MAP3K7: variants seen among roughly 807,000 people sequenced by gnomAD.
MAP3K7 encodes the protein TGF-beta activated kinase 1.
MAP3K7 carries 21 observed loss-of-function variants against 84.8 expected under a neutral mutation model. The observed-to-expected ratio is 0.25, with a 90% CI of 0.18 to 0.36. MAP3K7 has a LOEUF of 0.36. Ranked by LOEUF, MAP3K7 falls within the 10% of genes least tolerant of loss-of-function variation. The pLI, the probability that MAP3K7 is intolerant of heterozygous loss-of-function variation, is 1.00. For synonymous variants in MAP3K7, 241 were observed against 247.7 expected, an observed-to-expected ratio of 0.97 and a Z score of 0.25; for missense variants, 503 against 747.7, an observed-to-expected ratio of 0.67 and a Z score of 3.82.
chr6:90,554,148 C>T (rs1210753892), intron 6 of MAP3K7, among the ~76,000 whole-genome samples: 2 of 152,248 alleles, frequency 1.3e-5, no homozygotes, highest in South Asian at 2.1e-4. Context: ...CTCAACTGAT[C>T]CTCCTGCTCT....
chr6:90,582,443 GGAGA>G (rs1299703816), intron 1 of MAP3K7, among the ~76,000 whole-genome samples: 5 of 152,186 alleles, frequency 3.3e-5, no homozygotes, highest in Non-Finnish European at 7.3e-5. Flanking sequence ...TTTTGCTGAA[GGAGA>G]GACACAATTT....
At position 90,550,466 on chromosome 6, in the gene MAP3K7, A is replaced by C; in HGVS notation, c.949+2T>G. On this transcript the variant is annotated splice_donor_variant, in intron 9 of 16. Transcript: ENST00000369329. LOFTEE classifies it high-confidence loss of function. ...CAATACTCTTCCAATCTATCCATTT[A>C]CCTGTACTGGTGGCAGAGTTGCTCT... 1 of 1,594,110 alleles carries C rather than the reference A, an allele frequency of 6.3e-7. No homozygotes were observed. Among genetic ancestry groups the C allele is most frequent in the Non-Finnish European group, 8.6e-7 (1 of 1,163,650 alleles).
chr6:90,524,444 G>GT (rs1775256355), intron 13 of MAP3K7, among the ~76,000 whole-genome samples: 1 of 152,094 alleles, frequency 6.6e-6, no homozygotes, highest in Non-Finnish European at 1.5e-5. Context: ...AACATGGAAC[G>GT]TATACATTCA....
chr6:90,548,014 G>A (rs756590672), intron 10 of MAP3K7, 33 bp downstream of exon 10: 14 of 1,574,068 alleles, frequency 8.9e-6, no homozygotes, highest in Admixed American at 1.8e-5. Context: ...TACTGGTAAG[G>A]TTACCAGTTT....
At chr6:90,529,535 C>T (rs1350895785) in intron 13 of MAP3K7, among the ~76,000 whole-genome samples, 3 of 152,074 alleles carry the variant, frequency 2.0e-5, no homozygotes, top group Non-Finnish European at 4.4e-5. Flanking sequence ...GACAAGACAG[C>T]CCAGAGTTTG....
chr6:90,551,148 T>C (rs157688), intron 8 of MAP3K7: 99,994 of 152,026 alleles, frequency 0.66, 33,174 homozygotes, highest in Middle Eastern at 0.74. Flanking sequence ...TGTTTTCTTA[T>C]GCACACACCT....
chr6:90,567,726 G>A (rs1311120385), intron 3 of MAP3K7, among the ~76,000 whole-genome samples: 2 of 152,144 alleles, frequency 1.3e-5, no homozygotes, highest in Non-Finnish European at 2.9e-5. Flanking sequence ...TATACCCAAA[G>A]GATTATAAAT....
In MAP3K7 at chr6:90,587,003, G is replaced by T; in HGVS notation, c.-120C>A. Reference sequence around the variant, plus strand: ...TGGAGCCGCGCAGTCCTACTACCCGGCGATCCGTGGCGGGGGTAGAGGCAG... The same window carrying T: ...TGGAGCCGCGCAGTCCTACTACCCGTCGATCCGTGGCGGGGGTAGAGGCAG... On this transcript the variant is annotated 5_prime_UTR_variant, in exon 1 of 17. Transcript: ENST00000369329. The T allele has an allele frequency of 8.3e-7, 1 of 1,210,578 alleles. No individual in the cohort carries two copies. Among genetic ancestry groups the T allele is most frequent in the South Asian group, 1.8e-5 (1 of 56,948 alleles). The allele number at this position is 1,210,578 out of a possible 1,614,324, so 75.0% of individuals were successfully genotyped here.
At position 90,519,279 on chromosome 6, in the gene MAP3K7, A is replaced by G. The variant is rs761242511; in HGVS notation, c.1503T>C (p.Leu501=). 2 of 1,590,212 alleles carry G rather than the reference A, an allele frequency of 1.3e-6. No homozygotes were observed. Among genetic ancestry groups the G allele is most frequent in the Non-Finnish European group, 1.7e-6 (2 of 1,170,498 alleles). ...GSDNSIPMAY[L]TLDHQLQPLA... is the part of the protein sequence containing the mutation. ...TTACCTGTAGTTGGTGATCCAGTGTAAGATAAGCCATTGGGATGGAGTTAT... is the reference window on the plus strand; with the variant it reads ...TTACCTGTAGTTGGTGATCCAGTGTGAGATAAGCCATTGGGATGGAGTTAT... Residue 501 remains leucine, a synonymous_variant, in exon 15 of 17, where the codon CTT becomes CTC. Coordinates refer to ENST00000369329, the MANE Select transcript of MAP3K7 (RefSeq NM_145331.3).
chr6:90,550,303 T>C (rs917005880), intron 9 of MAP3K7, among the ~76,000 whole-genome samples, 165 bp downstream of exon 9: 7 of 152,136 alleles, frequency 4.6e-5, no homozygotes, highest in Admixed American at 1.3e-4. Flanking sequence ...TCAGGGTACC[T>C]ACATGAAGAA....
intron 11 of MAP3K7, among the ~76,000 whole-genome samples, chr6:90,546,732 A>C (rs895063534): frequency 5.9e-5 from 9 of 152,206 alleles, no homozygotes; most frequent in Non-Finnish European, 1.3e-4. Context: ...AAGATCTAAT[A>C]AAATTATGAT....
chr6:90,550,640 A>G, intron 8 of MAP3K7, 91 bp from the exon 9 acceptor site: 1 of 738,336 alleles, frequency 1.4e-6, no homozygotes, highest in Non-Finnish European at 2.2e-6. Flanking sequence ...TTATATACTA[A>G]ATTTGTAGGT....
At chr6:90,546,492 A>G (rs1184381219) in intron 11 of MAP3K7, among the ~76,000 whole-genome samples, 1 of 152,140 alleles carries the variant, frequency 6.6e-6, no homozygotes, top group African/African-American at 2.4e-5. Context: ...ATTTTCCACA[A>G]CAGAAACGTG....
rs937871514 is a variant in MAP3K7, at chr6:90,513,853, G to A, written c.*2648C>T. 8 of 152,058 alleles carry A rather than the reference G, an allele frequency of 5.3e-5. No homozygotes were observed. Among genetic ancestry groups the A allele is most frequent in the African/African-American group, 1.9e-4 (8 of 41,418 alleles). The allele number at this position is 152,058 out of a possible 1,614,324, so 9.4% of individuals were successfully genotyped here. A position where few individuals can be genotyped will look rare whatever the true frequency, so the allele number is the denominator to read the frequency against. ...GGAACATGAAAGAAACTTGAAGAGA[G>A]AAGACATTCAATACTCTAAAATACT... On this transcript the variant is annotated 3_prime_UTR_variant, in exon 17 of 17. Transcript: ENST00000369329.
chr6:90,529,866 A>G (rs1285486807), intron 13 of MAP3K7, among the ~76,000 whole-genome samples: 1 of 152,242 alleles, frequency 6.6e-6, no homozygotes, highest in Non-Finnish European at 1.5e-5. Flanking sequence ...TGCTGAATAT[A>G]TAATAAACAC....
chr6:90,535,512 CTT>C (rs1227910764), intron 13 of MAP3K7, among the ~76,000 whole-genome samples: 1 of 151,876 alleles, frequency 6.6e-6, no homozygotes, highest in Non-Finnish European at 1.5e-5. Context: ...TCTCATAAAA[CTT>C]ATTCTTGTAC....
intron 6 of MAP3K7, among the ~76,000 whole-genome samples, chr6:90,555,402 C>A (rs1246047517): frequency 6.6e-6 from 1 of 152,008 alleles, no homozygotes; most frequent in African/African-American, 2.4e-5. Flanking sequence ...ACTACGGGCG[C>A]CCGCCACCAC....
chr6:90,519,521 A>G (rs937040942), intron 14 of MAP3K7, among the ~76,000 whole-genome samples: 8 of 152,022 alleles, frequency 5.3e-5, no homozygotes, highest in Non-Finnish European at 1.2e-4. Flanking sequence ...TTAGAATGCA[A>G]TTATATTCTC....
chr6:90,525,273 G>A (rs1775284495), intron 13 of MAP3K7, among the ~76,000 whole-genome samples: 1 of 152,092 alleles, frequency 6.6e-6, no homozygotes. Context: ...ATGTATTTTA[G>A]GGTCCAAAAA....
Sources: gnomAD v4.1 joint callset for allele counts (sites outside exome capture counted in the v4.1 genomes callset) on GRCh38, gnomAD v4.1.1 for gene constraint, MANE v1.5 for transcripts, NCBI Gene and HGNC (gene_info 2026-07-23, HGNC 2026-07-21) for gene names.